Variants in REL observed in about 807,000 individuals in gnomAD.
REL encodes the protein REL proto-oncogene, NF-kB subunit.
In REL, 15 loss-of-function variants were observed where a neutral mutation model predicts 45.9. The observed-to-expected ratio is 0.33, with a 90% CI of 0.22 to 0.50. REL has a LOEUF of 0.50. REL is among the 20% of genes least tolerant of loss of function. The pLI is 0.98. For synonymous variants in REL, 239 were observed against 242.1 expected (o/e 0.99, Z 0.12); for missense variants, 601 against 715.2 (o/e 0.84, Z 1.82).
At chr2:60,901,222 C>T (rs1387112154) in intron 4 of REL, 139 bp downstream of exon 4, 3 of 1,079,994 alleles carry the variant, frequency 2.8e-6, no homozygotes, top group East Asian at 7.8e-5. Context: ...ATGGCGCGAT[C>T]TCAGCTCACT....
intron 3 of REL, among the ~76,000 whole-genome samples, chr2:60,895,298 C>T (rs1297456467): frequency 6.6e-6 from 1 of 152,092 alleles, no homozygotes; most frequent in Non-Finnish European, 1.5e-5. Flanking sequence ...TCTTCAGCCT[C>T]AGCCTCCTGA....
chr2:60,918,606 G>C lies in REL; in HGVS notation c.853G>C (p.Asp285His). Residue 285 changes from aspartate to histidine, a missense_variant and splice_region_variant, in exon 7 of 10, where the codon GAT (aspartate) becomes CAT (histidine). Asp to His is a moderately conservative substitution (Grantham distance 81). Coordinates refer to ENST00000394479, the MANE Select transcript of REL (RefSeq NM_001291746.2). ...TTTTAGATATCTGCCAGATGAAAAAGGTATGACATTTTGCTGGTAATAATT... is the reference window on the plus strand; with the variant it reads ...TTTTAGATATCTGCCAGATGAAAAACGTATGACATTTTGCTGGTAATAATT... ...MDFRYLPDEKDTYGNKAKKQK... is the reference protein window; with the variant it reads ...MDFRYLPDEKHTYGNKAKKQK... The C allele has an allele frequency of 6.2e-7, 1 of 1,601,202 alleles. No individual in the cohort carries two copies. The highest frequency in any genetic ancestry group is 8.6e-7 in the Non-Finnish European group (1 of 1,168,294).
intron 4 of REL, among the ~76,000 whole-genome samples, chr2:60,909,806 C>G (rs570020126): frequency 4.1e-4 from 62 of 151,932 alleles, no homozygotes; most frequent in Non-Finnish European, 7.2e-4. Flanking sequence ...GAGGCTGAGG[C>G]AGGAGGAGAA....
At chr2:60,883,742 G>C (rs1256552798) in intron 1 of REL, among the ~76,000 whole-genome samples, 1 of 151,752 alleles carries the variant, frequency 6.6e-6, no homozygotes, top group Non-Finnish European at 1.5e-5. Context: ...CATTGACACT[G>C]TATTTTGTGC....
At chr2:60,884,828 G>A (rs895897354) in intron 1 of REL, among the ~76,000 whole-genome samples, 24 of 152,138 alleles carry the variant, frequency 1.6e-4, no homozygotes, top group African/African-American at 5.6e-4. Flanking sequence ...CCAACTATTT[G>A]TAGTGTGAAT....
At chr2:60,920,175 CA>C (rs144245383) in intron 8 of REL, 66 bp downstream of exon 8, 48 of 1,203,054 alleles carry the variant, frequency 4.0e-5, no homozygotes, top group Non-Finnish European at 5.7e-5. Flanking sequence ...TTCAGTTTTT[CA>C]AATTTTATTA....
rs146863118 is a variant in REL at position 60,926,296 on chromosome 2, A to C, written c.*3761A>C. ...GGATGCATTTGCATCCTGACTTCTG[A>C]AATGCCTCCAGCCTCCATTTTCTCC... is the stretch of plus-strand genomic sequence containing the variant. On this transcript the variant is annotated 3_prime_UTR_variant, in exon 10 of 10. Transcript: ENST00000394479. The C allele has an allele frequency of 4.1e-4, 95 of 232,028 alleles. No homozygotes were observed. The highest frequency in any genetic ancestry group is 6.4e-4 in the Non-Finnish European group (75 of 117,134). 14.4% of individuals were successfully genotyped at this position (232,028 alleles called of 1,614,324 possible).
In REL at chr2:60,923,746, A is replaced by G. The variant is rs961166553; in HGVS notation, c.*1211A>G. 1 of 233,058 alleles carries G rather than the reference A, an allele frequency of 4.3e-6. No homozygotes were observed. The highest frequency in any genetic ancestry group is 2.2e-5 in the African/African-American group (1 of 45,322). 14.4% of individuals were successfully genotyped at this position (233,058 alleles called of 1,614,324 possible). A position where few individuals can be genotyped will look rare whatever the true frequency, so the allele number is the denominator to read the frequency against. ...CCTCTACTATTAACGCCCTATTCCA[A>G]GCCACCATCATCTCTTCCCTGGATT... On this transcript the variant is annotated 3_prime_UTR_variant, in exon 10 of 10. Transcript: ENST00000394479.
chr2:60,915,488 A>ATCTTT (rs1192214150), intron 4 of REL, among the ~76,000 whole-genome samples: 1 of 152,244 alleles, frequency 6.6e-6, no homozygotes, highest in Non-Finnish European at 1.5e-5. Context: ...ATTAAGCATA[A>ATCTTT]GAATGCTAAT....
chr2:60,891,915 G>T, intron 2 of REL, 90 bp downstream of exon 2: 3 of 1,222,740 alleles, frequency 2.5e-6, no homozygotes, highest in South Asian at 1.9e-5. Flanking sequence ...TTTCTTCACA[G>T]TCATCTCCAC....
intron 4 of REL, among the ~76,000 whole-genome samples, chr2:60,914,068 T>C (rs1673891425): frequency 6.6e-6 from 1 of 152,218 alleles, no homozygotes; most frequent in Admixed American, 6.5e-5. Flanking sequence ...TGAAACTTTG[T>C]CTAATAGGAT....
At position 60,923,692 on chromosome 2, in the gene REL, A is replaced by G. The variant is rs528219156; in HGVS notation, c.*1157A>G. 1.3e-4 allele frequency: 30 copies of G among 232,988 alleles called. No individual in the cohort carries two copies. Among genetic ancestry groups the G allele is most frequent in the African/African-American group, 6.4e-4 (29 of 45,420 alleles). 14.4% of individuals were successfully genotyped at this position (232,988 alleles called of 1,614,324 possible). A position where few individuals can be genotyped will look rare whatever the true frequency, so the allele number is the denominator to read the frequency against. ...AAATCTGGTAGACCCTACCTTCACA[A>G]TATATCTAAAGCTGACCACCTCTTT... On this transcript the variant is annotated 3_prime_UTR_variant, in exon 10 of 10. Coordinates refer to ENST00000394479, the MANE Select transcript of REL (RefSeq NM_001291746.2).
rs1373002940 is a variant in REL at position 60,930,881 on chromosome 2, G to C, written c.*8346G>C. ...TACAAGTAAAATTCATTAAACACTT[G>C]TGTGTGAATAGTAATACACAGTAAT... is the stretch of plus-strand genomic sequence containing the variant. On this transcript the variant is annotated 3_prime_UTR_variant, in exon 10 of 10. Transcript: ENST00000394479. The C allele has an allele frequency of 6.6e-6, 1 of 152,296 alleles. No homozygotes were observed. Among genetic ancestry groups the C allele is most frequent in the Non-Finnish European group, 1.5e-5 (1 of 68,016 alleles). 9.4% of individuals were successfully genotyped at this position (152,296 alleles called of 1,614,324 possible).
At chr2:60,882,339 C>T (rs1313435961) in intron 1 of REL, among the ~76,000 whole-genome samples, 1 of 152,082 alleles carries the variant, frequency 6.6e-6, no homozygotes, top group Admixed American at 6.5e-5. Context: ...TATTTTAACA[C>T]GAATTAGAAA....
chr2:60,890,851 ATTAC>A (rs1243253433), intron 1 of REL, among the ~76,000 whole-genome samples: 3 of 152,086 alleles, frequency 2.0e-5, no homozygotes, highest in Non-Finnish European at 4.4e-5. Flanking sequence ...TTCATTGTAT[ATTAC>A]TTTACATATC....
intron 2 of REL, among the ~76,000 whole-genome samples, chr2:60,892,089 G>A (rs1398683795): frequency 2.6e-5 from 4 of 152,066 alleles, no homozygotes; most frequent in South Asian, 2.1e-4. Flanking sequence ...GCGACTCAAT[G>A]TTGAGAGTAC....
intron 4 of REL, among the ~76,000 whole-genome samples, chr2:60,914,827 G>GTTTTTT (rs1416967378): frequency 7.7e-6 from 1 of 130,378 alleles, no homozygotes; most frequent in African/African-American, 2.9e-5. Context: ...CCCATAGCTT[G>GTTTTTT]TTTTTTTGTT....
Position 60,925,207 on chromosome 2 carries a change from G to A in REL, c.*2672G>A, listed in dbSNP as rs922059150. The A allele has an allele frequency of 5.1e-6, 1 of 197,606 alleles. No individual in the cohort carries two copies. Among genetic ancestry groups the A allele is most frequent in the Non-Finnish European group, 1.0e-5 (1 of 95,402 alleles). The allele number at this position is 197,606 out of a possible 1,614,324, so 12.2% of individuals were successfully genotyped here. ...TAAATGTTGAATATCTTCCTAGCAA[G>A]AAACAGTCTGTCATTTTACTTACAC... On this transcript the variant is annotated 3_prime_UTR_variant, in exon 10 of 10. Transcript: ENST00000394479.
chr2:60,917,533 T>TG (rs1256849241), intron 5 of REL, among the ~76,000 whole-genome samples: 3 of 148,402 alleles, frequency 2.0e-5, no homozygotes, highest in African/African-American at 7.4e-5. Flanking sequence ...TTTATTGGTT[T>TG]TTTTTTTTTT....
Sources: gnomAD v4.1 joint callset for allele counts (sites outside exome capture counted in the v4.1 genomes callset) on GRCh38, gnomAD v4.1.1 for gene constraint, MANE v1.5 for transcripts, NCBI Gene and HGNC (gene_info 2026-07-23, HGNC 2026-07-21) for gene names.